The following PHIP variants were observed in gnomAD, a reference collection of about 807,000 sequenced individuals.
PHIP encodes PH-interacting protein.
In PHIP, 54 loss-of-function variants were observed where a neutral mutation model predicts 236.8. That is an observed-to-expected ratio of 0.23 (90% CI 0.18 to 0.29). PHIP has a LOEUF of 0.29. Ranked by LOEUF, PHIP falls within the 10% of genes least tolerant of loss-of-function variation. PHIP has a pLI of 1.00. For synonymous variants in PHIP, 756 were observed against 718.9 expected (o/e 1.05, Z -0.83); for missense variants, 1,370 against 2,190.8 (o/e 0.63, Z 7.48).
chr6:79,036,782 G>A (rs1396303192), intron 7 of PHIP, among the ~76,000 whole-genome samples: 2 of 151,732 alleles, frequency 1.3e-5, no homozygotes, highest in Non-Finnish European at 2.9e-5. Context: ...TTAGCCAGGC[G>A]TGGTGGTGGG....
rs573952810 is a variant in PHIP at position 79,010,052 on chromosome 6, TAGGAAGAAAGA to T, written c.1524+5019_1524+5029del. On this transcript the variant is annotated intron_variant, in intron 15 of 39. Transcript: ENST00000275034. ...AGGACATTATCTTGTTAGATGATGA[TAGGAAGAAAGA>T]AGGAAGGAAAGAAGGGAGGAAGGGA... 6.2e-3 allele frequency among the ~76,000 whole-genome samples: 886 copies of T among 143,064 alleles called. 4 individuals are homozygous for T. Among genetic ancestry groups the T allele is most frequent in the African/African-American group, 0.021 (819 of 38,344 alleles). 93.9% of individuals were successfully genotyped at this position (143,064 alleles called of 152,430 possible). A position where few individuals can be genotyped will look rare whatever the true frequency, so the allele number is the denominator to read the frequency against.
intron 23 of PHIP, among the ~76,000 whole-genome samples, chr6:78,979,578 C>G (rs759120042): frequency 6.6e-6 from 1 of 151,994 alleles, no homozygotes; most frequent in Non-Finnish European, 1.5e-5. Flanking sequence ...GAGAAAGTTC[C>G]TTAACTTTGC....
chr6:79,022,537 T>C (rs971142760), intron 9 of PHIP, among the ~76,000 whole-genome samples: 3 of 152,216 alleles, frequency 2.0e-5, no homozygotes, highest in Middle Eastern at 6.8e-3. Flanking sequence ...TCTCAAAGGG[T>C]TGTTATAGGG....
At chr6:79,048,554 G>A (rs1055214698) in intron 6 of PHIP, among the ~76,000 whole-genome samples, 3 of 151,922 alleles carry the variant, frequency 2.0e-5, no homozygotes, top group African/African-American at 7.2e-5. Context: ...AAATGAACAA[G>A]CACACATGAT....
intron 35 of PHIP, among the ~76,000 whole-genome samples, chr6:78,948,512 G>C (rs962189486): frequency 6.6e-6 from 1 of 151,522 alleles, no homozygotes; most frequent in Non-Finnish European, 1.5e-5. Flanking sequence ...CCCCCTTTTT[G>C]GGAGACACAG....
intron 4 of PHIP, among the ~76,000 whole-genome samples, chr6:79,076,600 G>T (rs190707235): frequency 6.6e-6 from 1 of 152,210 alleles, no homozygotes; most frequent in Non-Finnish European, 1.5e-5. Context: ...CAAAATTAAG[G>T]TTTTTAAGCT....
At position 78,934,720 on chromosome 6, in the gene PHIP, CAG is replaced by C. The variant is rs1354986662; in HGVS notation, c.*5971_*5972del. Among the ~76,000 whole-genome samples, 2 of 152,146 alleles carry C rather than the reference CAG, an allele frequency of 1.3e-5. No individual in the cohort carries two copies. The highest frequency in any genetic ancestry group is 2.9e-5 in the Non-Finnish European group (2 of 68,030). ...GCTATTTGAACAGAATTAGACCTCA[CAG>C]ATAATTTAATCAACCTTTAAAACTT... On this transcript the variant is annotated 3_prime_UTR_variant, in exon 40 of 40. Transcript: ENST00000275034.
intron 6 of PHIP, among the ~76,000 whole-genome samples, chr6:79,052,308 C>CAAT (rs1159145812): frequency 1.3e-5 from 2 of 152,114 alleles, no homozygotes; most frequent in East Asian, 1.9e-4. Flanking sequence ...ACAGCATGTG[C>CAAT]AATAGCCTGA....
chr6:79,059,476 T>C (rs1246425513), intron 6 of PHIP, among the ~76,000 whole-genome samples: 1 of 151,438 alleles, frequency 6.6e-6, no homozygotes, highest in African/African-American at 2.4e-5. Context: ...AATGATTATA[T>C]GTAAATGACT....
intron 27 of PHIP, among the ~76,000 whole-genome samples, chr6:78,968,339 G>A (rs916205269): frequency 4.6e-5 from 7 of 152,136 alleles, no homozygotes; most frequent in African/African-American, 1.7e-4. Context: ...GGTTTTAACT[G>A]ACCAGGTCTA....
chr6:79,027,011 AC>A lies in PHIP; in HGVS notation c.601-848del, dbSNP rs1384359957. On this transcript the variant is annotated intron_variant, in intron 7 of 39. Coordinates refer to ENST00000275034, the MANE Select transcript of PHIP (RefSeq NM_017934.7). The stretch of plus-strand genomic sequence containing the variant: ...CTTTTGCAAAATTACTGAATATTTT[AC>A]AGGATACAGTTTTACTAAGGGTTCA... Among the ~76,000 whole-genome samples, 31 of 152,258 alleles carry A rather than the reference AC, an allele frequency of 2.0e-4. No individual in the cohort carries two copies. The East Asian group carries it at 5.2e-3, about 26-fold the overall frequency.
chr6:78,992,058 G>T (rs7749615), intron 19 of PHIP, among the ~76,000 whole-genome samples: 39,379 of 150,314 alleles, frequency 0.26, 5,481 homozygotes, highest in Non-Finnish European at 0.31. Flanking sequence ...GCCCCCCGGG[G>T]TTCACACCAT....
intron 7 of PHIP, among the ~76,000 whole-genome samples, chr6:79,030,957 G>T (rs1281428880): frequency 6.6e-6 from 1 of 150,952 alleles, no homozygotes; most frequent in South Asian, 2.1e-4. Context: ...TTGTTTGTTT[G>T]TTTTGAGACG....
chr6:79,076,643 C>T (rs1274151797), intron 4 of PHIP, among the ~76,000 whole-genome samples: 1 of 152,132 alleles, frequency 6.6e-6, no homozygotes, highest in Non-Finnish European at 1.5e-5. Flanking sequence ...ATAAACACAA[C>T]TTTCATAGGC....
chr6:79,057,918 T>C (rs1773154845), intron 6 of PHIP, among the ~76,000 whole-genome samples: 1 of 152,076 alleles, frequency 6.6e-6, no homozygotes, highest in Non-Finnish European at 1.5e-5. Flanking sequence ...AAACAAAATA[T>C]ATACCATGGT....
At position 78,935,406 on chromosome 6, in the gene PHIP, CAAAATTTCTAGG is replaced by C; in HGVS notation, c.*5275_*5286del. On this transcript the variant is annotated 3_prime_UTR_variant, in exon 40 of 40. Transcript: ENST00000275034. ...TCAATAAAAATGCATGCCAATCTGA[CAAAATTTCTAGG>C]AAAACTGCAATAACCTTCTTTCCAT... The C allele has an allele frequency of 5.6e-6, 4 of 718,962 alleles. No individual in the cohort carries two copies. The South Asian group carries it at 2.5e-4, about 45-fold the overall frequency. The allele number at this position is 718,962 out of a possible 1,614,324, so 44.5% of individuals were successfully genotyped here.
intron 15 of PHIP, among the ~76,000 whole-genome samples, chr6:79,012,077 A>C (rs1770606338): frequency 6.6e-6 from 1 of 151,676 alleles, no homozygotes; most frequent in African/African-American, 2.4e-5. Flanking sequence ...CTATTTCTAA[A>C]ATTTCAAAAA....
intron 23 of PHIP, among the ~76,000 whole-genome samples, chr6:78,982,172 C>T (rs1009836940): frequency 1.3e-5 from 2 of 151,878 alleles, no homozygotes; most frequent in African/African-American, 4.8e-5. Flanking sequence ...GAAAACATGC[C>T]CCTCGTGTTG....
chr6:78,960,047 A>C (rs1766675988), intron 31 of PHIP, among the ~76,000 whole-genome samples: 1 of 152,142 alleles, frequency 6.6e-6, no homozygotes, highest in African/African-American at 2.4e-5. Context: ...AGCTACTGGG[A>C]GCTGTAGCTC....
Sources: gnomAD v4.1 joint callset for allele counts (sites outside exome capture counted in the v4.1 genomes callset) on GRCh38, gnomAD v4.1.1 for gene constraint, MANE v1.5 for transcripts, NCBI Gene and HGNC (gene_info 2026-07-23, HGNC 2026-07-21) for gene names.